Variants in RBFOX1 observed in about 807,000 individuals in gnomAD.
The protein encoded by RBFOX1 is RNA binding protein fox-1 homolog 1.
Under a neutral mutation model 57.7 loss-of-function variants are expected in RBFOX1, and 8 were observed. That is an observed-to-expected ratio of 0.14 (90% CI 0.08 to 0.25). The LOEUF (loss-of-function observed/expected upper bound fraction) is 0.25. RBFOX1 is among the 10% of genes least tolerant of loss of function. The probability of loss-of-function intolerance (pLI) is 1.00; values close to 1 mark genes in which losing one functional copy is unlikely to be tolerated. For missense variants in RBFOX1, 611 were observed against 548.5 expected, an observed-to-expected ratio of 1.11 and a Z score of -1.14; for synonymous variants, 326 against 222.4, an observed-to-expected ratio of 1.47 and a Z score of -4.15.
intron 2 of RBFOX1, among the ~76,000 whole-genome samples, chr16:6,504,203 A>G (rs17442566): frequency 6.6e-6 from 1 of 152,188 alleles, no homozygotes; most frequent in East Asian, 1.9e-4. Flanking sequence ...GCAAGCCTGC[A>G]TGATAGAGCT....
At chr16:7,374,534 T>G (rs2147549058) in intron 4 of RBFOX1, among the ~76,000 whole-genome samples, 1 of 152,302 alleles carries the variant, frequency 6.6e-6, no homozygotes. Flanking sequence ...ACTCAAGGAA[T>G]CTACCTGGCT....
intron 2 of RBFOX1, among the ~76,000 whole-genome samples, chr16:6,552,937 A>G (rs994635676): frequency 6.6e-6 from 1 of 152,166 alleles, no homozygotes; most frequent in African/African-American, 2.4e-5. Context: ...TATCTATGTT[A>G]CAATCTTTTC....
At chr16:6,620,706 T>A (rs949680458) in intron 2 of RBFOX1, among the ~76,000 whole-genome samples, 1 of 151,838 alleles carries the variant, frequency 6.6e-6, no homozygotes, top group African/African-American at 2.4e-5. Flanking sequence ...CAAACAACCA[T>A]CACAAGATTA....
chr16:7,504,323 T>C lies in RBFOX1; in HGVS notation c.28-13824T>C, dbSNP rs577275372. On this transcript the variant is annotated intron_variant, in intron 4 of 15. Coordinates refer to ENST00000550418, the MANE Select transcript of RBFOX1 (RefSeq NM_018723.4). ...AGCCCTTCTAATTGTATTATTGTTA[T>C]TATCAAGAATGTTATAAGTAACACT... Among the ~76,000 whole-genome samples, 6 of 152,176 alleles carry C rather than the reference T, an allele frequency of 3.9e-5. No individual in the cohort carries two copies. The South Asian group carries it at 1.2e-3, about 32-fold the overall frequency.
chr16:6,487,747 ATAT>A lies in RBFOX1; in HGVS notation c.-63-166855_-63-166853del, dbSNP rs1285225209. ...TATATATATATATATATATATATAT[ATAT>A]ATATAAAATATTATGCAGTGATGGG... is the stretch of plus-strand genomic sequence containing the variant. On this transcript the variant is annotated intron_variant, in intron 2 of 15. Transcript: ENST00000550418. Among the ~76,000 whole-genome samples the A allele has an allele frequency of 5.0e-4, 37 of 74,462 alleles. 2 individuals are homozygous for A. Among genetic ancestry groups the A allele is most frequent in the East Asian group, 2.5e-3 (5 of 2,038 alleles). 48.8% of individuals were successfully genotyped at this position (74,462 alleles called of 152,430 possible).
intron 4 of RBFOX1, among the ~76,000 whole-genome samples, chr16:6,006,992 G>C (rs2094931344): frequency 6.6e-6 from 1 of 152,058 alleles, no homozygotes; most frequent in Admixed American, 6.5e-5. Context: ...TGGGAATGGG[G>C]ATGTGACAAT....
intron 3 of RBFOX1, among the ~76,000 whole-genome samples, chr16:5,732,097 G>A (rs1429269108): frequency 6.6e-6 from 1 of 152,138 alleles, no homozygotes; most frequent in African/African-American, 2.4e-5. Flanking sequence ...ATTCCCATTG[G>A]TTATTTATCC....
At chr16:6,145,369 T>C (rs983743683) in intron 1 of RBFOX1, among the ~76,000 whole-genome samples, 1 of 151,752 alleles carries the variant, frequency 6.6e-6, no homozygotes, top group African/African-American at 2.4e-5. Flanking sequence ...CACAATCTTG[T>C]TTTTTTTAAT....
intron 3 of RBFOX1, among the ~76,000 whole-genome samples, chr16:5,814,191 T>C (rs1225030662): frequency 1.3e-5 from 2 of 152,188 alleles, no homozygotes; most frequent in Admixed American, 6.5e-5. Context: ...CCACATCCCT[T>C]GGTCTGCATC....
At chr16:7,302,739 G>A (rs2096063973) in intron 4 of RBFOX1, among the ~76,000 whole-genome samples, 1 of 112,078 alleles carries the variant, frequency 8.9e-6, no homozygotes, top group Non-Finnish European at 1.8e-5. Context: ...ATGCAAGAAT[G>A]TGCTTTTTTT....
intron 1 of RBFOX1, among the ~76,000 whole-genome samples, chr16:5,398,454 T>C (rs1265592222): frequency 1.3e-5 from 2 of 151,920 alleles, no homozygotes; most frequent in Non-Finnish European, 2.9e-5. Context: ...CTTGTGTGTA[T>C]GTGTATGCAT....
intron 3 of RBFOX1, among the ~76,000 whole-genome samples, chr16:6,989,010 C>A (rs12149328): frequency 1.3e-4 from 20 of 151,732 alleles, no homozygotes; most frequent in African/African-American, 2.9e-4. Context: ...TGATCCACCC[C>A]CCTCGGACTC....
chr16:5,820,264 G>A (rs2055796457), intron 3 of RBFOX1, among the ~76,000 whole-genome samples: 2 of 152,164 alleles, frequency 1.3e-5, no homozygotes, highest in Admixed American at 6.5e-5. Context: ...ATGCTACATT[G>A]TCTTATTCAG....
intron 10 of RBFOX1, among the ~76,000 whole-genome samples, chr16:7,611,670 G>A (rs534690155): frequency 2.0e-5 from 3 of 152,196 alleles, no homozygotes; most frequent in African/African-American, 7.2e-5. Flanking sequence ...GTGGGGTGGG[G>A]GCGAGGCAGG....
intron 1 of RBFOX1, among the ~76,000 whole-genome samples, chr16:6,241,058 C>T (rs978592841): frequency 6.6e-6 from 1 of 152,154 alleles, no homozygotes; most frequent in African/African-American, 2.4e-5. Flanking sequence ...ATGCACAAAA[C>T]ATCTTTCATA....
intron 3 of RBFOX1, among the ~76,000 whole-genome samples, chr16:6,895,446 G>GTATATATA (rs1439276748): frequency 1.8e-5 from 1 of 57,096 alleles, no homozygotes; most frequent in Non-Finnish European, 3.3e-5. Context: ...GTGTGTGTGT[G>GTATATATA]TGTATATATA....
At chr16:5,850,195 A>C (rs1365406290) in intron 3 of RBFOX1, among the ~76,000 whole-genome samples, 1 of 152,130 alleles carries the variant, frequency 6.6e-6, no homozygotes, top group Non-Finnish European at 1.5e-5. Flanking sequence ...ATCCAGAGGG[A>C]TAAGCGGAGG....
intron 3 of RBFOX1, among the ~76,000 whole-genome samples, chr16:6,729,597 AT>A (rs370219276): frequency 6.7e-4 from 102 of 152,270 alleles, no homozygotes; most frequent in African/African-American, 2.2e-3. Flanking sequence ...CTAGAGGGAA[AT>A]GGGCTTCTAA....
intron 1 of RBFOX1, among the ~76,000 whole-genome samples, chr16:5,409,293 G>A (rs2066949422): frequency 6.6e-6 from 1 of 152,170 alleles, no homozygotes; most frequent in Non-Finnish European, 1.5e-5. Flanking sequence ...GCCCCTAGGG[G>A]AGCCCCCCAG....
Sources: allele counts gnomAD v4.1 joint callset (sites outside exome capture counted in the v4.1 genomes callset), GRCh38; gene constraint gnomAD v4.1.1; transcripts MANE v1.5; gene names NCBI Gene and HGNC (gene_info 2026-07-23, HGNC 2026-07-21).